The following MGAT5 variants were observed in gnomAD, a reference collection of about 807,000 sequenced individuals.
The protein encoded by MGAT5 is alpha-1,6-mannosylglycoprotein 6-beta-N-acetylglucosaminyltransferase A.
In MGAT5, 30 loss-of-function variants were observed where a neutral mutation model predicts 94.3. The ratio of observed to expected loss-of-function variants is 0.32; its 90% CI spans 0.24 to 0.43. The LOEUF is 0.43. Ranked by LOEUF, MGAT5 falls within the 20% of genes least tolerant of loss-of-function variation. The pLI is 1.00. For synonymous variants in MGAT5, 310 were observed against 322.9 expected (o/e 0.96, Z 0.43); for missense variants, 691 against 905.5 (o/e 0.76, Z 3.04).
chr2:134,362,458 A>G, intron 10 of MGAT5, 50 bp downstream of exon 10: 1 of 1,593,078 alleles, frequency 6.3e-7, no homozygotes, highest in Non-Finnish European at 8.6e-7. Context: ...CTTGTTGGGT[A>G]ATTTAATTTA....
At chr2:134,414,977 A>G (rs1157337965) in intron 12 of MGAT5, among the ~76,000 whole-genome samples, 1 of 152,202 alleles carries the variant, frequency 6.6e-6, no homozygotes, top group African/African-American at 2.4e-5. Flanking sequence ...TTGCAGGCTA[A>G]ATATTTCATA....
chr2:134,152,899 CTTTTTTTTTTTT>C (rs35135371), intron 1 of MGAT5, among the ~76,000 whole-genome samples: 25,911 of 117,404 alleles, frequency 0.22, 2,505 homozygotes, highest in Middle Eastern at 0.31. Flanking sequence ...ATGGAGTCCA[CTTTTTTTTTTTT>C]TTTTTTTTTT....
At chr2:134,199,334 A>G (rs751815948) in intron 1 of MGAT5, among the ~76,000 whole-genome samples, 1 of 152,046 alleles carries the variant, frequency 6.6e-6, no homozygotes, top group Admixed American at 6.5e-5. Context: ...GCCTCCCGGG[A>G]TGGAGCTGAA....
chr2:134,273,104 A>G (rs572957286), intron 2 of MGAT5, among the ~76,000 whole-genome samples: 151 of 152,072 alleles, frequency 9.9e-4, no homozygotes, highest in African/African-American at 3.5e-3. Context: ...GATATGCTGG[A>G]CAGCCTTCTT....
intron 1 of MGAT5, among the ~76,000 whole-genome samples, chr2:134,256,872 G>A (rs986399743): frequency 5.9e-5 from 9 of 152,150 alleles, no homozygotes; most frequent in Admixed American, 1.3e-4. Flanking sequence ...CAACTTTAAC[G>A]TATCAAAGTG....
chr2:134,159,804 A>G (rs1411120108), intron 1 of MGAT5, among the ~76,000 whole-genome samples: 1 of 152,178 alleles, frequency 6.6e-6, no homozygotes, highest in African/African-American at 2.4e-5. Context: ...GCATTGCCTC[A>G]ATAGTGGGGG....
At chr2:134,326,046 C>CTCTG (rs142085907) in intron 4 of MGAT5, among the ~76,000 whole-genome samples, 1 of 132,950 alleles carries the variant, frequency 7.5e-6, no homozygotes, top group Non-Finnish European at 1.5e-5. Context: ...CTTTCTCTCT[C>CTCTG]TCTCTCTTTT....
In MGAT5 at chr2:134,131,845, C is replaced by T. The variant is rs192672907; in HGVS notation, c.-143+11554C>T. On this transcript the variant is annotated intron_variant, in intron 1 of 16. Transcript: ENST00000409645. ...GGACTGGGCTTGCACCTTCAGACCC[C>T]GCCACCTCCATGAGATCGTGCCCAG... Among the ~76,000 whole-genome samples, 97 of 152,246 alleles carry T rather than the reference C, an allele frequency of 6.4e-4. 3 individuals are homozygous for T. In the South Asian group the frequency reaches 0.018, roughly 28 times the overall value.
rs530315804 is a variant in MGAT5, at chr2:134,188,739, T to C, written c.-142-65523T>C. Among the ~76,000 whole-genome samples, 7 of 149,736 alleles carry C rather than the reference T, an allele frequency of 4.7e-5. 1 individual carries two copies. The highest frequency in any genetic ancestry group is 1.7e-4 in the African/African-American group (7 of 40,198). On this transcript the variant is annotated intron_variant, in intron 1 of 16. Transcript: ENST00000409645. The stretch of plus-strand genomic sequence containing the variant: ...TTCTATTGTAACCACCCAGAGTTAG[T>C]GCAGACCCCATCAGTTAAAGGGTAT...
chr2:134,304,115 C>T (rs574360412), intron 2 of MGAT5, among the ~76,000 whole-genome samples: 1 of 152,186 alleles, frequency 6.6e-6, no homozygotes, highest in Non-Finnish European at 1.5e-5. Flanking sequence ...TTATGTGGAT[C>T]TTACACAGGT....
intron 2 of MGAT5, among the ~76,000 whole-genome samples, chr2:134,295,866 G>A (rs185441999): frequency 6.9e-4 from 105 of 152,156 alleles, no homozygotes; most frequent in African/African-American, 2.2e-3. Context: ...AGATGGGTTC[G>A]GTGGATTTAC....
chr2:134,391,835 A>T (rs1313955959), intron 10 of MGAT5, among the ~76,000 whole-genome samples: 3 of 152,206 alleles, frequency 2.0e-5, no homozygotes, highest in African/African-American at 7.2e-5. Flanking sequence ...TAACCACATT[A>T]TCTCATGTGA....
At chr2:134,148,768 T>G (rs1454366515) in intron 1 of MGAT5, among the ~76,000 whole-genome samples, 1 of 148,624 alleles carries the variant, frequency 6.7e-6, no homozygotes, top group Non-Finnish European at 1.5e-5. Flanking sequence ...GGTTTTTTTT[T>G]TTTTTTTTTT....
In MGAT5 at chr2:134,335,903, T is replaced by C. The variant is rs370449586; in HGVS notation, c.574-314T>C. Among the ~76,000 whole-genome samples the C allele has an allele frequency of 1.2e-4, 18 of 152,332 alleles. No individual in the cohort carries two copies. The East Asian group carries it at 1.5e-3, about 13-fold the overall frequency. ...GCAATGTTTCAGTCTTTTAACTTTC[T>C]GCCATTAGACTGCCTTTCCTTCTGG... On this transcript the variant is annotated intron_variant, in intron 4 of 15. Transcript: ENST00000281923.
intron 10 of MGAT5, among the ~76,000 whole-genome samples, chr2:134,377,273 T>G (rs536512520): frequency 1.3e-5 from 2 of 152,358 alleles, no homozygotes; most frequent in South Asian, 4.1e-4. Context: ...GCATCCCTCA[T>G]GCATTGGCTT....
chr2:134,193,136 T>G (rs569383506), intron 1 of MGAT5, among the ~76,000 whole-genome samples: 2 of 151,672 alleles, frequency 1.3e-5, no homozygotes, highest in South Asian at 4.2e-4. Context: ...TTTTTTTTTT[T>G]TTTTGAGACA....
At chr2:134,352,119 T>C (rs1322466863) in intron 9 of MGAT5, among the ~76,000 whole-genome samples, 1 of 152,158 alleles carries the variant, frequency 6.6e-6, no homozygotes, top group Non-Finnish European at 1.5e-5. Context: ...AGCATGGTAC[T>C]ACCCCAGTGG....
chr2:134,249,222 T>C (rs1455331244), upstream of MGAT5, among the ~76,000 whole-genome samples: 1 of 146,572 alleles, frequency 6.8e-6, no homozygotes, highest in Non-Finnish European at 1.5e-5. Context: ...TCTTTTTTCT[T>C]TTTTTTTTTT....
At chr2:134,272,366 T>C (rs1034066193) in intron 2 of MGAT5, among the ~76,000 whole-genome samples, 26 of 113,860 alleles carry the variant, frequency 2.3e-4, no homozygotes, top group African/African-American at 1.4e-3. Context: ...AGTGTTGTGT[T>C]TTGTTTTTTT....
Sources: allele counts gnomAD v4.1 joint callset (sites outside exome capture counted in the v4.1 genomes callset), GRCh38; gene constraint gnomAD v4.1.1; transcripts MANE v1.5; gene names NCBI Gene and HGNC (gene_info 2026-07-23, HGNC 2026-07-21).